Variants in DNAH11 observed in about 807,000 individuals in gnomAD.
The protein encoded by DNAH11 is axonemal beta dynein heavy chain 11.
DNAH11 carries 442 observed loss-of-function variants against 526.0 expected under a neutral mutation model. The ratio of observed to expected loss-of-function variants is 0.84; its 90% CI spans 0.78 to 0.91. The LOEUF (loss-of-function observed/expected upper bound fraction) is 0.91, where lower values mean the gene tolerates loss of function less well. Ranked by LOEUF, DNAH11 falls within the 40% of genes least tolerant of loss-of-function variation. The probability of loss-of-function intolerance (pLI) is 0.00; values close to 1 mark genes in which losing one functional copy is unlikely to be tolerated. For missense variants in DNAH11, 6,989 were observed against 5,448.7 expected, an observed-to-expected ratio of 1.28 and a Z score of -8.90; for synonymous variants, 2,461 against 1,935.9, an observed-to-expected ratio of 1.27 and a Z score of -7.12.
chr7:21,615,050 A>G (rs569643894), intron 20 of DNAH11, 64 bp from the exon 21 acceptor site: 2 of 1,486,220 alleles, frequency 1.3e-6, no homozygotes, highest in Non-Finnish European at 1.8e-6. Flanking sequence ...AACCAGAGCT[A>G]CAGAACTGCA....
chr7:21,892,745 C>A, intron 77 of DNAH11, 78 bp downstream of exon 77: 1 of 1,439,642 alleles, frequency 6.9e-7, no homozygotes, highest in Non-Finnish European at 9.2e-7. Flanking sequence ...CTTAATTGTG[C>A]AAATCAATAA....
intron 54 of DNAH11, among the ~76,000 whole-genome samples, chr7:21,762,555 T>G (rs1786969049): frequency 6.6e-6 from 1 of 152,104 alleles, no homozygotes; most frequent in African/African-American, 2.4e-5. Flanking sequence ...ACCCAAGAAT[T>G]GAGATATAGG....
At chr7:21,859,678 A>G (rs1782981158) in intron 68 of DNAH11, among the ~76,000 whole-genome samples, 1 of 152,192 alleles carries the variant, frequency 6.6e-6, no homozygotes, top group African/African-American at 2.4e-5. Context: ...TATCATCCAA[A>G]AATAAATAGA....
intron 68 of DNAH11, among the ~76,000 whole-genome samples, 191 bp downstream of exon 68, chr7:21,854,646 A>T (rs917215915): frequency 6.6e-6 from 1 of 151,984 alleles, no homozygotes; most frequent in Admixed American, 6.6e-5. Flanking sequence ...ATATTCAAGC[A>T]ATTCTCATGC....
At position 21,816,597 on chromosome 7, in the gene DNAH11, A is replaced by T; in HGVS notation, c.10463A>T (p.His3488Leu). The change falls in exon 64 of 82, where the codon CAC becomes CTC. Residue 3488 changes from histidine to leucine, a missense_variant. Coordinates refer to ENST00000409508, the MANE Select transcript of DNAH11 (RefSeq NM_001277115.2). The part of the protein sequence containing the change: ...MSTENAAILT[H>L]CERWPLVIDP... ...ACCGAAAATGCCGCTATCCTAACAC[A>T]CTGTGAGCGCTGGCCTCTGGTGATA... is the stretch of plus-strand genomic sequence containing the variant. The T allele has an allele frequency of 6.2e-7, 1 of 1,613,658 alleles. No individual in the cohort carries two copies.
intron 35 of DNAH11, among the ~76,000 whole-genome samples, chr7:21,691,530 T>A (rs980853514): frequency 6.6e-6 from 1 of 152,284 alleles, no homozygotes; most frequent in South Asian, 2.1e-4. Context: ...TGGTCCAGAA[T>A]CTTTCATAAA....
At chr7:21,640,788 C>G (rs921219542) in intron 28 of DNAH11, among the ~76,000 whole-genome samples, 2 of 152,156 alleles carry the variant, frequency 1.3e-5, no homozygotes, top group East Asian at 3.9e-4. Flanking sequence ...CATCTCATCT[C>G]CATGTCAAGG....
chr7:21,773,791 T>A lies in DNAH11; in HGVS notation c.9128T>A (p.Leu3043His), dbSNP rs1787541978. ...CCAGTGCACAAAGACTCTATTAGCC[T>A]TTTCATGGCACATGTTCACACCACT... ...IEPVHKDSIS[L>H]FMAHVHTTVN... Residue 3043 changes from leucine (L) to histidine (H), a missense_variant, in exon 56 of 82, where the codon CTT becomes CAT. By Grantham distance (99) the Leu-to-His change is moderately conservative (BLOSUM62 -3). Coordinates refer to ENST00000409508, the MANE Select transcript of DNAH11 (RefSeq NM_001277115.2). The A allele has an allele frequency of 1.2e-6, 2 of 1,602,392 alleles. No homozygotes were observed. Among genetic ancestry groups the A allele is most frequent in the Non-Finnish European group, 1.7e-6 (2 of 1,174,860 alleles).
intron 55 of DNAH11, among the ~76,000 whole-genome samples, chr7:21,773,251 T>A (rs1787517241): frequency 6.6e-6 from 1 of 152,170 alleles, no homozygotes; most frequent in Non-Finnish European, 1.5e-5. Flanking sequence ...GATCATGATA[T>A]TTTTCTCCCA....
intron 76 of DNAH11, among the ~76,000 whole-genome samples, chr7:21,890,292 T>C (rs554133854): frequency 1.3e-5 from 2 of 152,342 alleles, no homozygotes; most frequent in South Asian, 2.1e-4. Flanking sequence ...CCTTCGCTCA[T>C]TGCCTACCAT....
chr7:21,719,968 C>T (rs975043124), intron 43 of DNAH11, among the ~76,000 whole-genome samples: 5 of 152,202 alleles, frequency 3.3e-5, no homozygotes, highest in African/African-American at 1.2e-4. Context: ...ATGGTGAAGG[C>T]CTCTGCAGCA....
chr7:21,793,666 C>T (rs1434526779), intron 61 of DNAH11, among the ~76,000 whole-genome samples: 1 of 150,258 alleles, frequency 6.7e-6, no homozygotes, highest in Non-Finnish European at 1.5e-5. Flanking sequence ...ATGAAATGTT[C>T]TATAAATGTT....
chr7:21,575,794 TC>T (rs1313406620), intron 8 of DNAH11, among the ~76,000 whole-genome samples: 3 of 152,250 alleles, frequency 2.0e-5, no homozygotes, highest in Non-Finnish European at 4.4e-5. Flanking sequence ...TCCTTTGTTT[TC>T]TGCTTTTGCA....
At chr7:21,820,340 G>C (rs567381398) in intron 65 of DNAH11, among the ~76,000 whole-genome samples, 1 of 152,306 alleles carries the variant, frequency 6.6e-6, no homozygotes, top group African/African-American at 2.4e-5. Flanking sequence ...CGTTGGTGTG[G>C]TGATAGACGT....
intron 14 of DNAH11, among the ~76,000 whole-genome samples, chr7:21,595,865 C>A (rs985920346): frequency 2.0e-5 from 3 of 151,682 alleles, no homozygotes; most frequent in Admixed American, 2.0e-4. Context: ...CACCATTCTT[C>A]TCTTAGGAGA....
At chr7:21,576,979 A>T (rs77124012) in intron 8 of DNAH11, among the ~76,000 whole-genome samples, 1 of 152,202 alleles carries the variant, frequency 6.6e-6, no homozygotes, top group Non-Finnish European at 1.5e-5. Context: ...CATTATATAT[A>T]AAACAGACCT....
At chr7:21,725,333 C>T (rs1015369123) in intron 44 of DNAH11, among the ~76,000 whole-genome samples, 8 of 152,082 alleles carry the variant, frequency 5.3e-5, no homozygotes, top group African/African-American at 1.9e-4. Flanking sequence ...TATAGAGTTG[C>T]CAGTTGTTTA....
intron 20 of DNAH11, among the ~76,000 whole-genome samples, chr7:21,609,870 T>C (rs1323189737): frequency 1.3e-5 from 2 of 152,084 alleles, no homozygotes; most frequent in Non-Finnish European, 2.9e-5. Flanking sequence ...GATACCCTCA[T>C]TGGAGAGTGG....
intron 66 of DNAH11, among the ~76,000 whole-genome samples, chr7:21,844,021 T>A (rs1456932086): frequency 6.6e-6 from 1 of 152,248 alleles, no homozygotes; most frequent in Non-Finnish European, 1.5e-5. Flanking sequence ...TTTGAAGAAG[T>A]AAGCTAGAAT....
Sources: gnomAD v4.1 joint callset for allele counts (sites outside exome capture counted in the v4.1 genomes callset) on GRCh38, gnomAD v4.1.1 for gene constraint, MANE v1.5 for transcripts, NCBI Gene and HGNC (gene_info 2026-07-23, HGNC 2026-07-21) for gene names.